Variants in XXYLT1 observed in about 807,000 individuals in gnomAD.
XXYLT1 encodes xyloside xylosyltransferase 1.
XXYLT1 carries 20 observed loss-of-function variants against 28.9 expected under a neutral mutation model. The observed-to-expected ratio is 0.69, with a 90% CI of 0.49 to 1.00. The LOEUF is 1.00. Ranked by LOEUF, XXYLT1 falls within the 50% of genes least tolerant of loss-of-function variation. XXYLT1 has a pLI of 0.00. For missense variants in XXYLT1, 542 were observed against 560.1 expected (o/e 0.97, Z 0.33); for synonymous variants, 257 against 253.8 (o/e 1.01, Z -0.12).
At chr3:195,142,712 G>T (rs1319886757) in intron 3 of XXYLT1, among the ~76,000 whole-genome samples, 4 of 152,268 alleles carry the variant, frequency 2.6e-5, no homozygotes, top group Non-Finnish European at 5.9e-5. Flanking sequence ...AGCCGGGGCT[G>T]GGGCTGGGGT....
intron 2 of XXYLT1, among the ~76,000 whole-genome samples, chr3:195,189,621 A>G (rs73063152): frequency 0.048 from 7,363 of 152,288 alleles, 580 homozygotes; most frequent in African/African-American, 0.17. Context: ...AAAAGAATCA[A>G]TGAACTTGTA....
At chr3:195,165,783 T>A (rs1464523536) in intron 2 of XXYLT1, among the ~76,000 whole-genome samples, 1 of 152,132 alleles carries the variant, frequency 6.6e-6, no homozygotes, top group Non-Finnish European at 1.5e-5. Context: ...CATCGTTATA[T>A]TAGTGCTGTT....
chr3:195,096,076 T>C (rs566859878), intron 3 of XXYLT1: 1 of 152,246 alleles, frequency 6.6e-6, no homozygotes, highest in Non-Finnish European at 1.5e-5. Context: ...GATGGCTCCA[T>C]CCTTAGCACG....
At chr3:195,110,378 ATAAG>A (rs1304447702) in intron 3 of XXYLT1, among the ~76,000 whole-genome samples, 1 of 8,018 alleles carries the variant, frequency 1.2e-4, no homozygotes, top group Admixed American at 1.6e-3. Flanking sequence ...TGTGTGCTGT[ATAAG>A]TGTGTGTGGT....
intron 3 of XXYLT1, among the ~76,000 whole-genome samples, chr3:195,143,819 TAGA>T (rs1719641879): frequency 9.9e-6 from 1 of 100,900 alleles, no homozygotes; most frequent in African/African-American, 3.8e-5. Context: ...TATATAGATA[TAGA>T]TATATATAGA....
chr3:195,186,834 G>A (rs541178345), intron 2 of XXYLT1, among the ~76,000 whole-genome samples: 4 of 151,758 alleles, frequency 2.6e-5, no homozygotes, highest in African/African-American at 9.7e-5. Context: ...TGCTGAGTGA[G>A]TGAAGTGCTG....
intron 1 of XXYLT1, among the ~76,000 whole-genome samples, chr3:195,267,326 G>GC (rs1459443666): frequency 1.3e-5 from 2 of 152,158 alleles, no homozygotes; most frequent in African/African-American, 4.8e-5. Flanking sequence ...GGAATAAACT[G>GC]CCCCCTGGAC....
intron 1 of XXYLT1, among the ~76,000 whole-genome samples, chr3:195,232,729 T>C (rs1248751020): frequency 6.6e-6 from 1 of 152,228 alleles, no homozygotes; most frequent in African/African-American, 2.4e-5. Context: ...TATTCCATTG[T>C]AGTCAGAGAA....
chr3:195,142,158 T>G (rs979009595), intron 3 of XXYLT1, among the ~76,000 whole-genome samples: 2 of 152,198 alleles, frequency 1.3e-5, no homozygotes, highest in Middle Eastern at 3.2e-3. Flanking sequence ...CTCCACCACA[T>G]CAAGCTTAGG....
intron 2 of XXYLT1, among the ~76,000 whole-genome samples, chr3:195,167,644 TCA>T (rs1721194899): frequency 6.6e-6 from 1 of 152,156 alleles, no homozygotes; most frequent in African/African-American, 2.4e-5. Flanking sequence ...TCCAATGCCT[TCA>T]CTCCTTCTAC....
At chr3:195,102,941 G>A (rs1473991868) in intron 3 of XXYLT1, among the ~76,000 whole-genome samples, 4 of 152,196 alleles carry the variant, frequency 2.6e-5, no homozygotes, top group African/African-American at 9.7e-5. Flanking sequence ...GGTGCAGCGT[G>A]CTGGGGCTCC....
At chr3:195,217,156 T>C (rs1320685121) in intron 2 of XXYLT1, among the ~76,000 whole-genome samples, 61 of 104,424 alleles carry the variant, frequency 5.8e-4, no homozygotes, top group African/African-American at 3.3e-3. Context: ...ATTGATGGGA[T>C]GTATTTCAAA....
chr3:195,151,530 T>G (rs1191132154), intron 3 of XXYLT1, among the ~76,000 whole-genome samples: 14 of 151,452 alleles, frequency 9.2e-5, no homozygotes, highest in Admixed American at 9.2e-4. Context: ...ACTCTGTCTT[T>G]AAAAAATAAA....
chr3:195,075,485 C>CCTCT (rs1275498111), intron 3 of XXYLT1, among the ~76,000 whole-genome samples: 3 of 152,238 alleles, frequency 2.0e-5, no homozygotes, highest in Non-Finnish European at 2.9e-5. Flanking sequence ...TCCACAAATG[C>CCTCT]CTCTGCCCAG....
chr3:195,128,923 G>A (rs1366059663), intron 3 of XXYLT1, among the ~76,000 whole-genome samples: 1 of 152,144 alleles, frequency 6.6e-6, no homozygotes, highest in African/African-American at 2.4e-5. Context: ...CGCCAACACT[G>A]GAAGATTAGT....
At chr3:195,112,768 C>CAG (rs1345808726) in intron 3 of XXYLT1, among the ~76,000 whole-genome samples, 5 of 150,824 alleles carry the variant, frequency 3.3e-5, no homozygotes. Context: ...CGCATGCACA[C>CAG]ACACACACCC....
At chr3:195,123,351 C>G (rs952228673) in intron 3 of XXYLT1, among the ~76,000 whole-genome samples, 1 of 152,160 alleles carries the variant, frequency 6.6e-6, no homozygotes, top group African/African-American at 2.4e-5. Context: ...AGCAAGCCCC[C>G]CTCTCCTGGC....
At chr3:195,119,921 T>G (rs1718257371) in intron 3 of XXYLT1, among the ~76,000 whole-genome samples, 5 of 81,218 alleles carry the variant, frequency 6.2e-5, no homozygotes, top group Admixed American at 3.1e-4. Flanking sequence ...CAGGGGGAGG[T>G]CAGGGGCTGG....
intron 1 of XXYLT1, among the ~76,000 whole-genome samples, chr3:195,236,905 G>T (rs1560167908): frequency 6.6e-6 from 1 of 152,108 alleles, no homozygotes; most frequent in Non-Finnish European, 1.5e-5. Context: ...TCTAGGGCAT[G>T]GAATGGGGGC....
Sources: allele counts gnomAD v4.1 joint callset (sites outside exome capture counted in the v4.1 genomes callset), GRCh38; gene constraint gnomAD v4.1.1; transcripts MANE v1.5; gene names NCBI Gene and HGNC (gene_info 2026-07-23, HGNC 2026-07-21).